Variants in SULF1 observed in about 807,000 individuals in gnomAD.
SULF1 encodes sulfatase 1.
A neutral mutation model predicts 110.5 loss-of-function variants in SULF1; 46 were observed. That is an observed-to-expected ratio of 0.42 (90% CI 0.33 to 0.53). The LOEUF (loss-of-function observed/expected upper bound fraction) is 0.53. SULF1 is among the 20% of genes least tolerant of loss of function. SULF1 has a pLI of 0.12. For synonymous variants in SULF1, 371 were observed against 387.1 expected (o/e 0.96, Z 0.49); for missense variants, 941 against 1,094.2 (o/e 0.86, Z 1.98).
chr8:69,550,946 A>T (rs1814665433), intron 3 of SULF1, among the ~76,000 whole-genome samples: 2 of 152,178 alleles, frequency 1.3e-5, no homozygotes, highest in South Asian at 4.1e-4. Context: ...TCAGCTCAGC[A>T]TTCCCAGAGG....
chr8:69,605,750 G>T (rs1808177234), intron 13 of SULF1, among the ~76,000 whole-genome samples: 1 of 152,336 alleles, frequency 6.6e-6, no homozygotes, highest in East Asian at 1.9e-4. Flanking sequence ...AAAATCAGAG[G>T]AAAGTGAAAA....
At chr8:69,487,838 A>G (rs896776618) in intron 1 of SULF1, among the ~76,000 whole-genome samples, 1 of 152,210 alleles carries the variant, frequency 6.6e-6, no homozygotes, top group African/African-American at 2.4e-5. Flanking sequence ...CATGCTGTTT[A>G]TAAAACAATT....
intron 1 of SULF1, among the ~76,000 whole-genome samples, chr8:69,493,460 C>CACACAACACT (rs1810085857): frequency 1.8e-5 from 1 of 56,608 alleles, no homozygotes; most frequent in Non-Finnish European, 3.5e-5. Flanking sequence ...CACACACACA[C>CACACAACACT]ACACACACAC....
At chr8:69,505,423 A>G (rs1217704278) in intron 3 of SULF1, among the ~76,000 whole-genome samples, 1 of 152,160 alleles carries the variant, frequency 6.6e-6, no homozygotes, top group Non-Finnish European at 1.5e-5. Flanking sequence ...AACAGCAACT[A>G]TGTTGTTTTT....
intron 3 of SULF1, among the ~76,000 whole-genome samples, chr8:69,543,849 A>C (rs1278095880): frequency 1.3e-5 from 2 of 152,188 alleles, no homozygotes; most frequent in Non-Finnish European, 2.9e-5. Context: ...GTGTACCAAG[A>C]TATCTACCTG....
At chr8:69,627,659 A>G in intron 16 of SULF1, 113 bp from the exon 17 acceptor site, 1 of 741,332 alleles carries the variant, frequency 1.3e-6, no homozygotes, top group Non-Finnish European at 2.3e-6. Context: ...GTTAAGTATC[A>G]TCTCAGATGA....
At chr8:69,629,717 T>C in intron 19 of SULF1, 38 bp downstream of exon 19, 1 of 1,536,932 alleles carries the variant, frequency 6.5e-7, no homozygotes, top group Non-Finnish European at 8.8e-7. Flanking sequence ...CCTGCCGCCA[T>C]GCAGAGACAG....
chr8:69,622,817 C>T (rs543589942), intron 14 of SULF1, among the ~76,000 whole-genome samples: 12 of 152,068 alleles, frequency 7.9e-5, no homozygotes, highest in African/African-American at 1.2e-4. Flanking sequence ...GAGCAGGAGT[C>T]GGTTTTCACC....
chr8:69,583,406 TA>T (rs5892206), intron 6 of SULF1, among the ~76,000 whole-genome samples: 76,662 of 137,062 alleles, frequency 0.56, 22,107 homozygotes, highest in South Asian at 0.7. Context: ...CATCTCTATT[TA>T]AAAAAAAAAA....
intron 22 of SULF1, among the ~76,000 whole-genome samples, chr8:69,653,763 C>T (rs577017712): frequency 1.4e-4 from 21 of 152,278 alleles, no homozygotes; most frequent in African/African-American, 4.6e-4. Context: ...CTAGAGCTGT[C>T]TAGGGTACCC....
At chr8:69,477,064 A>G (rs950371244) in intron 1 of SULF1, among the ~76,000 whole-genome samples, 1 of 152,172 alleles carries the variant, frequency 6.6e-6, no homozygotes, top group Non-Finnish European at 1.5e-5. Flanking sequence ...TCAGATTTCA[A>G]TTCAAGATTC....
chr8:69,467,428 C>T (rs1808901816), intron 1 of SULF1, among the ~76,000 whole-genome samples: 1 of 152,168 alleles, frequency 6.6e-6, no homozygotes, highest in African/African-American at 2.4e-5. Context: ...TGATTTATGA[C>T]AGAGCAAAGG....
rs141225696 is a variant in SULF1 at position 69,554,978 on chromosome 8, C to CAAAAAAAAAAAAA, written c.-133-8553_-133-8541dup. 2.5e-4 allele frequency among the ~76,000 whole-genome samples: 16 copies of CAAAAAAAAAAAAA among 63,470 alleles called. 1 individual carries two copies. Among genetic ancestry groups the CAAAAAAAAAAAAA allele is most frequent in the African/African-American group, 8.9e-4 (9 of 10,060 alleles). 41.6% of individuals were successfully genotyped at this position (63,470 alleles called of 152,430 possible). A position where few individuals can be genotyped will look rare whatever the true frequency, so the allele number is the denominator to read the frequency against. ...TGGGCGACAGGGCGAGATTCCATCT[C>CAAAAAAAAAAAAA]AAAAAAAAAAAAAAAAAAAACAAAA... is the stretch of plus-strand genomic sequence containing the variant. On this transcript the variant is annotated intron_variant, in intron 3 of 22. Transcript: ENST00000402687.
chr8:69,475,993 C>G (rs1809286093), intron 1 of SULF1, among the ~76,000 whole-genome samples: 1 of 152,152 alleles, frequency 6.6e-6, no homozygotes, highest in African/African-American at 2.4e-5. Flanking sequence ...AGTCAAAATA[C>G]TCAACTACAT....
chr8:69,510,088 C>A (rs994520310), intron 3 of SULF1, among the ~76,000 whole-genome samples: 2 of 152,040 alleles, frequency 1.3e-5, no homozygotes, highest in Non-Finnish European at 2.9e-5. Flanking sequence ...CATGTATGCA[C>A]CTAGTTATAA....
At chr8:69,515,426 T>C (rs1003839151) in intron 3 of SULF1, among the ~76,000 whole-genome samples, 1 of 152,158 alleles carries the variant, frequency 6.6e-6, no homozygotes, top group Non-Finnish European at 1.5e-5. Context: ...CAGGGCTGCA[T>C]AGAACAGTGG....
chr8:69,604,161 C>T (rs564251849), intron 12 of SULF1, among the ~76,000 whole-genome samples: 38 of 152,244 alleles, frequency 2.5e-4, no homozygotes, highest in African/African-American at 8.2e-4. Flanking sequence ...TCCACATCCC[C>T]CAAAAAGAAT....
intron 13 of SULF1, among the ~76,000 whole-genome samples, chr8:69,609,429 C>G (rs1296814433): frequency 3.3e-5 from 5 of 152,186 alleles, no homozygotes; most frequent in Non-Finnish European, 5.9e-5. Flanking sequence ...CCCCCCAGAC[C>G]AACCAGGTTA....
At chr8:69,518,352 A>T (rs141087960) in intron 3 of SULF1, among the ~76,000 whole-genome samples, 1 of 152,066 alleles carries the variant, frequency 6.6e-6, no homozygotes, top group African/African-American at 2.4e-5. Context: ...TCATCTGCCA[A>T]TTCCATCATC....
Sources: allele counts gnomAD v4.1 joint callset (sites outside exome capture counted in the v4.1 genomes callset), GRCh38; gene constraint gnomAD v4.1.1; transcripts MANE v1.5; gene names NCBI Gene and HGNC (gene_info 2026-07-23, HGNC 2026-07-21).